The following PADI1 variants were observed in gnomAD, a reference collection of about 807,000 sequenced individuals.
The protein encoded by PADI1 is peptidyl arginine deiminase 1, also known as protein-arginine deiminase type-1.
A neutral mutation model predicts 74.8 loss-of-function variants in PADI1; 65 were observed. The observed-to-expected ratio is 0.87, with a 90% CI of 0.71 to 1.07. The LOEUF is 1.07. Ranked by LOEUF, PADI1 falls within the 50% of genes least tolerant of loss-of-function variation. The pLI, the probability that PADI1 is intolerant of heterozygous loss-of-function variation, is 0.00. For synonymous variants in PADI1, 371 were observed against 336.2 expected (o/e 1.10, Z -1.13); for missense variants, 943 against 854.0 (o/e 1.10, Z -1.30).
At chr1:17,227,068 A>C (rs2072337066) in intron 6 of PADI1, among the ~76,000 whole-genome samples, 1 of 149,174 alleles carries the variant, frequency 6.7e-6, no homozygotes, top group African/African-American at 2.5e-5. Context: ...GTGGAGACTC[A>C]TGCCTGTAGT....
chr1:17,239,667 G>A, intron 13 of PADI1, 37 bp from the exon 14 acceptor site: 1 of 1,515,098 alleles, frequency 6.6e-7, no homozygotes, highest in Non-Finnish European at 9.2e-7. Context: ...TCCAGGCAGT[G>A]CTCCCTGAGC....
Position 17,244,642 on chromosome 1 carries a change from G to C in PADI1, c.*399G>C, listed in dbSNP as rs2072848188. The C allele has an allele frequency of 5.5e-6, 2 of 360,460 alleles. No homozygotes were observed. The highest frequency in any genetic ancestry group is 4.2e-5 in the South Asian group (2 of 48,118). 22.3% of individuals were successfully genotyped at this position (360,460 alleles called of 1,614,324 possible). Reference sequence around the variant, plus strand: ...TCTGCACCTGGAACGGGGCCTGGGGGACCTGGGGTCTGGTGTGCCAGGCAC... The same window carrying C: ...TCTGCACCTGGAACGGGGCCTGGGGCACCTGGGGTCTGGTGTGCCAGGCAC... On this transcript the variant is annotated 3_prime_UTR_variant, in exon 16 of 16. Transcript: ENST00000375471.
intron 15 of PADI1, among the ~76,000 whole-genome samples, chr1:17,243,319 G>C (rs2072814656): frequency 8.7e-6 from 1 of 114,556 alleles, no homozygotes; most frequent in South Asian, 3.2e-4. Flanking sequence ...GTCCCCAAAG[G>C]CTTTTTCAGC....
intron 1 of PADI1, 30 bp from the exon 2 acceptor site, chr1:17,222,260 G>A (rs369866786): frequency 3.7e-4 from 580 of 1,557,108 alleles, no homozygotes; most frequent in Non-Finnish European, 4.7e-4. Flanking sequence ...TGGGAAGACT[G>A]GTTCTCTTCC....
chr1:17,240,441 C>A, intron 14 of PADI1, 194 bp from the exon 15 acceptor site: 1 of 559,578 alleles, frequency 1.8e-6, no homozygotes, highest in Non-Finnish European at 3.2e-6. Flanking sequence ...CACATCCTAG[C>A]CTTGTGCACT....
At chr1:17,230,831 G>A in intron 10 of PADI1, 152 bp downstream of exon 10, 1 of 600,780 alleles carries the variant, frequency 1.7e-6, no homozygotes, top group Non-Finnish European at 2.9e-6. Flanking sequence ...AAACTGGGGA[G>A]CCAGTGCGGA....
At chr1:17,213,272 C>T (rs1039194194) in intron 1 of PADI1, among the ~76,000 whole-genome samples, 1 of 152,192 alleles carries the variant, frequency 6.6e-6, no homozygotes, top group South Asian at 2.1e-4. Flanking sequence ...TGGTCCAGGA[C>T]GCATTGCCCT....
rs766808295 is a variant in PADI1 at position 17,226,172 on chromosome 1, T to A, written c.652+14T>A. 6.2e-7 allele frequency: 1 copy of A among 1,613,760 alleles called. No homozygotes were observed. Among genetic ancestry groups the A allele is most frequent in the Non-Finnish European group, 8.5e-7 (1 of 1,179,852 alleles). ...TCTGTGCCAGGGGTGAGTGGCCTGA[T>A]GGGGCCTTTTCCTCCCAGCTCCATC... On this transcript the variant is annotated intron_variant, in intron 6 of 15. Coordinates refer to ENST00000375471, the MANE Select transcript of PADI1 (RefSeq NM_013358.3).
Position 17,244,446 on chromosome 1 carries a change from C to T in PADI1, c.*203C>T. The T allele has an allele frequency of 1.5e-6, 1 of 670,836 alleles. No homozygotes were observed. The highest frequency in any genetic ancestry group is 1.5e-5 in the South Asian group (1 of 66,460). 41.6% of individuals were successfully genotyped at this position (670,836 alleles called of 1,614,324 possible). Reference sequence around the variant, plus strand: ...TGGCCTACCCAACCCGAGAAGAATGCACCTCATTCTTCCCTGGCCTCTTTC... The same window carrying T: ...TGGCCTACCCAACCCGAGAAGAATGTACCTCATTCTTCCCTGGCCTCTTTC... On this transcript the variant is annotated 3_prime_UTR_variant, in exon 16 of 16. Transcript: ENST00000375471.
chr1:17,236,931 C>T (rs2072657060), intron 11 of PADI1, among the ~76,000 whole-genome samples: 1 of 152,198 alleles, frequency 6.6e-6, no homozygotes, highest in Non-Finnish European at 1.5e-5. Flanking sequence ...AGGCTGGAGA[C>T]AGCAGATCAG....
In PADI1 at chr1:17,244,514, T is replaced by A. The variant is rs1272159472; in HGVS notation, c.*271T>A. 1.8e-6 allele frequency: 1 copy of A among 550,422 alleles called. No individual in the cohort carries two copies. The highest frequency in any genetic ancestry group is 3.5e-6 in the Non-Finnish European group (1 of 288,064). The allele number at this position is 550,422 out of a possible 1,614,324, so 34.1% of individuals were successfully genotyped here. A position where few individuals can be genotyped will look rare whatever the true frequency, so the allele number is the denominator to read the frequency against. The stretch of plus-strand genomic sequence containing the variant: ...AGGCTCTAGATCAACAATGTTAGCA[T>A]GTTCCAGAATGGCTGTGGGAGGCCT... On this transcript the variant is annotated 3_prime_UTR_variant, in exon 16 of 16. Transcript: ENST00000375471.
intron 2 of PADI1, among the ~76,000 whole-genome samples, chr1:17,223,281 T>C (rs1318612091): frequency 6.6e-6 from 1 of 152,134 alleles, no homozygotes; most frequent in Non-Finnish European, 1.5e-5. Context: ...TTAGAGGAGC[T>C]GAGAGACTTG....
intron 2 of PADI1, 85 bp downstream of exon 2, chr1:17,222,555 C>A: frequency 9.8e-7 from 1 of 1,024,340 alleles, no homozygotes; most frequent in South Asian, 1.4e-5. Flanking sequence ...ATTCCCATTC[C>A]AAAGCTCCCC....
intron 14 of PADI1, 182 bp from the exon 15 acceptor site, chr1:17,240,453 G>A (rs145547811): frequency 1.9e-4 from 113 of 594,394 alleles, no homozygotes; most frequent in Non-Finnish European, 3.1e-4. Flanking sequence ...TTGTGCACTT[G>A]AGCAGGTTGC....
chr1:17,223,270 C>A lies in PADI1; in HGVS notation c.274-351C>A, dbSNP rs145016945. Among the ~76,000 whole-genome samples the A allele has an allele frequency of 6.6e-3, 1,004 of 152,268 alleles. 3 individuals are homozygous for A. The highest frequency in any genetic ancestry group is 9.7e-3 in the Non-Finnish European group (658 of 68,012). Reference sequence around the variant, plus strand: ...CATCTTATTGAGGAACTACCCGAGGCTTAGAGGAGCTGAGAGACTTGCCTA... The same window carrying A: ...CATCTTATTGAGGAACTACCCGAGGATTAGAGGAGCTGAGAGACTTGCCTA... On this transcript the variant is annotated intron_variant, in intron 2 of 15. Coordinates refer to ENST00000375471, the MANE Select transcript of PADI1 (RefSeq NM_013358.3).
Position 17,205,278 on chromosome 1 carries a change from G to T in PADI1, c.61G>T (p.Val21Leu). The T allele has an allele frequency of 6.2e-7, 1 of 1,614,076 alleles. No homozygotes were observed. The highest frequency in any genetic ancestry group is 8.5e-7 in the Non-Finnish European group (1 of 1,179,974). Reference protein sequence around the residue: ...LKMPTHAVCVVGVEAHVDIHS... With the variant: ...LKMPTHAVCVLGVEAHVDIHS... Reference sequence around the variant, plus strand: ...GATGCCTACCCATGCCGTGTGTGTGGTGGGAGTCGAGGCACATGTGGACAT... The same window carrying T: ...GATGCCTACCCATGCCGTGTGTGTGTTGGGAGTCGAGGCACATGTGGACAT... The change falls in exon 1 of 16, where the codon GTG becomes TTG. Residue 21 changes from valine to leucine, a missense_variant. Coordinates refer to ENST00000375471, the MANE Select transcript of PADI1 (RefSeq NM_013358.3).
At chr1:17,237,290 G>A (rs753242470) in intron 11 of PADI1, 24 bp from the exon 12 acceptor site, 1 of 1,586,894 alleles carries the variant, frequency 6.3e-7, no homozygotes. Context: ...CAAGGTGACT[G>A]CCCGCCCTCT....
At chr1:17,241,222 C>T (rs1176193214) in intron 15 of PADI1, among the ~76,000 whole-genome samples, 1 of 152,178 alleles carries the variant, frequency 6.6e-6, no homozygotes, top group Admixed American at 6.5e-5. Context: ...GCGGTGGCCT[C>T]GCTGACTCTC....
intron 6 of PADI1, among the ~76,000 whole-genome samples, chr1:17,228,371 G>T (rs1056201937): frequency 3.3e-5 from 5 of 152,166 alleles, no homozygotes; most frequent in Admixed American, 1.3e-4. Context: ...CACCTTTTGT[G>T]CCAGGTGCTT....
Sources: gnomAD v4.1 joint callset for allele counts (sites outside exome capture counted in the v4.1 genomes callset) on GRCh38, gnomAD v4.1.1 for gene constraint, MANE v1.5 for transcripts, NCBI Gene and HGNC (gene_info 2026-07-23, HGNC 2026-07-21) for gene names.